ANGPT1: variants seen among roughly 807,000 people sequenced by gnomAD.
ANGPT1 encodes angiopoietin-1.
Under a neutral mutation model 62.2 loss-of-function variants are expected in ANGPT1, and 17 were observed. The observed-to-expected ratio is 0.27, with a 90% confidence interval of 0.19 to 0.41. The LOEUF (loss-of-function observed/expected upper bound fraction) is 0.41. ANGPT1 is among the 10% of genes least tolerant of loss of function. ANGPT1 has a pLI of 1.00. For synonymous variants in ANGPT1, 199 were observed against 198.9 expected (o/e 1.00, Z 0.00); for missense variants, 478 against 594.9 (o/e 0.80, Z 2.04).
intron 1 of ANGPT1, among the ~76,000 whole-genome samples, chr8:107,421,029 ATTC>A (rs1810883086): frequency 6.6e-6 from 1 of 152,146 alleles, no homozygotes; most frequent in Admixed American, 6.6e-5. Context: ...TACCAGAATA[ATTC>A]TTCTATTTGG....
At chr8:107,481,684 G>A (rs994739110) in intron 1 of ANGPT1, among the ~76,000 whole-genome samples, 3 of 152,100 alleles carry the variant, frequency 2.0e-5, no homozygotes, top group South Asian at 2.1e-4. Context: ...CCCAGTGTCT[G>A]GGGGGAGGCC....
At chr8:107,443,310 G>A (rs907919142) in intron 1 of ANGPT1, among the ~76,000 whole-genome samples, 11 of 152,010 alleles carry the variant, frequency 7.2e-5, no homozygotes, top group Admixed American at 2.0e-4. Context: ...GATTGTGACC[G>A]GAATTTAGGA....
chr8:107,473,784 C>T (rs1812428303), intron 1 of ANGPT1, among the ~76,000 whole-genome samples: 1 of 152,012 alleles, frequency 6.6e-6, no homozygotes, highest in East Asian at 1.9e-4. Context: ...ATGTAAGGCT[C>T]ATTACCCTTA....
rs754961553 is a variant in ANGPT1 at position 107,336,142 on chromosome 8, ATCC to A, written c.575+5_575+7del. 131 of 1,598,850 alleles carry A rather than the reference ATCC, an allele frequency of 8.2e-5. No homozygotes were observed. The highest frequency in any genetic ancestry group is 1.1e-4 in the Non-Finnish European group (130 of 1,175,742). ...ACAGAAACATTTTTGGAATAAAGCA[ATCC>A]TCACCTGTTTTTTTCATGGATCTTC... On this transcript the variant is annotated splice_donor_5th_base_variant and intron_variant, in intron 3 of 8. Transcript: ENST00000517746.
At chr8:107,487,479 T>G (rs1812844438) in intron 1 of ANGPT1, among the ~76,000 whole-genome samples, 1 of 152,010 alleles carries the variant, frequency 6.6e-6, no homozygotes, top group African/African-American at 2.4e-5. Context: ...AATAATAAAT[T>G]CATATAAGGC....
At chr8:107,343,715 G>T (rs1815744394) in intron 2 of ANGPT1, among the ~76,000 whole-genome samples, 1 of 152,194 alleles carries the variant, frequency 6.6e-6, no homozygotes, top group East Asian at 1.9e-4. Flanking sequence ...TGAAGGTAAA[G>T]ACTGCTTTAT....
intron 7 of ANGPT1, among the ~76,000 whole-genome samples, chr8:107,273,428 A>G (rs1813786491): frequency 6.6e-6 from 1 of 152,098 alleles, no homozygotes; most frequent in Non-Finnish European, 1.5e-5. Context: ...GACCAAAGTC[A>G]TCAGTGTGCT....
chr8:107,301,402 G>C (rs922478407), intron 5 of ANGPT1, among the ~76,000 whole-genome samples: 1 of 151,752 alleles, frequency 6.6e-6, no homozygotes, highest in Non-Finnish European at 1.5e-5. Flanking sequence ...TCCTACTCCA[G>C]ATCAAATTCT....
At chr8:107,432,904 T>C (rs897599273) in intron 1 of ANGPT1, among the ~76,000 whole-genome samples, 1 of 152,184 alleles carries the variant, frequency 6.6e-6, no homozygotes, top group Non-Finnish European at 1.5e-5. Flanking sequence ...TTAATCGTTC[T>C]TTTTATTTGG....
intron 1 of ANGPT1, among the ~76,000 whole-genome samples, chr8:107,348,813 A>G (rs1168432614): frequency 6.6e-6 from 1 of 152,162 alleles, no homozygotes; most frequent in Admixed American, 6.6e-5. Context: ...GCCCTTCGGA[A>G]CAAATGCTTC....
At chr8:107,399,602 C>T (rs1817003031) in intron 1 of ANGPT1, among the ~76,000 whole-genome samples, 1 of 152,126 alleles carries the variant, frequency 6.6e-6, no homozygotes, top group South Asian at 2.1e-4. Flanking sequence ...ATCCTTTGCA[C>T]AAAGGAAGGG....
At chr8:107,481,725 T>A (rs1182809583) in intron 1 of ANGPT1, among the ~76,000 whole-genome samples, 2 of 151,976 alleles carry the variant, frequency 1.3e-5, no homozygotes, top group Admixed American at 6.6e-5. Context: ...GCAGAAGGCA[T>A]CTCTTCACAG....
chr8:107,256,485 T>C (rs1325215360), intron 8 of ANGPT1, among the ~76,000 whole-genome samples: 5 of 152,222 alleles, frequency 3.3e-5, no homozygotes, highest in Admixed American at 3.3e-4. Flanking sequence ...TCATTACTCA[T>C]ATGCATTCCT....
intron 1 of ANGPT1, among the ~76,000 whole-genome samples, chr8:107,422,903 T>G (rs192179851): frequency 6.6e-6 from 1 of 152,194 alleles, no homozygotes; most frequent in South Asian, 2.1e-4. Flanking sequence ...AACTCTATAG[T>G]AAACATTTTC....
At chr8:107,396,511 T>TTC (rs1164573443) in intron 1 of ANGPT1, among the ~76,000 whole-genome samples, 3 of 127,104 alleles carry the variant, frequency 2.4e-5, no homozygotes, top group South Asian at 2.5e-4. Context: ...TTCTTTTCTT[T>TTC]TCTCTCTTTT....
chr8:107,375,157 TCAAACAAA>T (rs56165041), intron 1 of ANGPT1, among the ~76,000 whole-genome samples: 31 of 150,608 alleles, frequency 2.1e-4, no homozygotes, highest in East Asian at 2.0e-3. Flanking sequence ...AGACTCCATC[TCAAACAAA>T]CAAACAAACA....
At chr8:107,308,497 G>T (rs1814773829) in intron 4 of ANGPT1, among the ~76,000 whole-genome samples, 1 of 152,092 alleles carries the variant, frequency 6.6e-6, no homozygotes, top group Non-Finnish European at 1.5e-5. Flanking sequence ...AGAGAATGCA[G>T]ACAATTGTTA....
At chr8:107,400,735 T>C (rs973477987) in intron 1 of ANGPT1, among the ~76,000 whole-genome samples, 2 of 152,038 alleles carry the variant, frequency 1.3e-5, no homozygotes, top group South Asian at 4.2e-4. Context: ...AATTTCTGTA[T>C]TTTTAGTAAA....
chr8:107,348,230 A>G (rs1052491042), intron 1 of ANGPT1, among the ~76,000 whole-genome samples: 2 of 152,216 alleles, frequency 1.3e-5, no homozygotes, highest in African/African-American at 2.4e-5. Context: ...GTTCCAAATC[A>G]TTAACAGCTA....
Sources: allele counts gnomAD v4.1 joint callset (sites outside exome capture counted in the v4.1 genomes callset), GRCh38; gene constraint gnomAD v4.1.1; transcripts MANE v1.5; gene names NCBI Gene and HGNC (gene_info 2026-07-23, HGNC 2026-07-21).